The following EPHA6 variants were observed in gnomAD, a reference collection of about 807,000 sequenced individuals.
EPHA6 encodes ephrin type-A receptor 6.
Under a neutral mutation model 112.0 loss-of-function variants are expected in EPHA6, and 50 were observed. That is an observed-to-expected ratio of 0.45 (90% CI 0.36 to 0.56). The LOEUF (loss-of-function observed/expected upper bound fraction) is 0.56. EPHA6 is among the 20% of genes least tolerant of loss of function. The probability of loss-of-function intolerance (pLI) is 0.00; values close to 1 mark genes in which losing one functional copy is unlikely to be tolerated. For synonymous variants in EPHA6, 529 were observed against 490.7 expected (o/e 1.08, Z -1.03); for missense variants, 1,280 against 1,417.4 (o/e 0.90, Z 1.56).
intron 1 of EPHA6, among the ~76,000 whole-genome samples, chr3:96,841,347 G>A (rs532509009): frequency 7.2e-5 from 11 of 152,174 alleles, no homozygotes; most frequent in Admixed American, 2.6e-4. Context: ...GCAGTTTCCC[G>A]CTTGACTTCT....
intron 2 of EPHA6, among the ~76,000 whole-genome samples, chr3:96,873,006 T>C (rs1238729067): frequency 6.6e-6 from 1 of 152,018 alleles, no homozygotes; most frequent in African/African-American, 2.4e-5. Flanking sequence ...GTTGGGTTTC[T>C]GCTTCCTTAA....
In EPHA6 at chr3:97,637,995, G is replaced by T. The variant is rs1248896022; in HGVS notation, c.2697G>T (p.Leu899=). 1.9e-6 allele frequency: 3 copies of T among 1,613,726 alleles called. No homozygotes were observed. Among genetic ancestry groups the T allele is most frequent in the East Asian group, 2.2e-5 (1 of 44,876 alleles). The change falls in exon 14 of 18, where the codon CTG becomes CTT. Residue 899 remains leucine, a synonymous_variant. Coordinates refer to ENST00000389672, the MANE Select transcript of EPHA6 (RefSeq NM_001080448.3). ...VHRDLAARNI[L]VNSNLVCKVS... ...GAGACCTAGCGGCTCGGAATATACT[G>T]GTCAATAGCAACTTAGTATGCAAAG... is the stretch of plus-strand genomic sequence containing the variant.
rs1272526056 is a variant in EPHA6 at position 97,548,615 on chromosome 3, T to C, written c.2386+16072T>C. On this transcript the variant is annotated intron_variant, in intron 11 of 17. Coordinates refer to ENST00000389672, the MANE Select transcript of EPHA6 (RefSeq NM_001080448.3). ...AGAAGAGCTCTATTTCAGATTGTTC[T>C]ATACATAGAATTATGCAATATGTAG... is the stretch of plus-strand genomic sequence containing the variant. 2.0e-5 allele frequency among the ~76,000 whole-genome samples: 3 copies of C among 152,340 alleles called. No homozygotes were observed. The East Asian group carries it at 5.8e-4, about 29-fold the overall frequency.
chr3:97,156,099 A>C (rs1311606939), intron 3 of EPHA6, among the ~76,000 whole-genome samples: 1 of 152,144 alleles, frequency 6.6e-6, no homozygotes, highest in East Asian at 1.9e-4. Context: ...CATAATACAA[A>C]TGTGAAGTTA....
chr3:97,244,481 T>G lies in EPHA6; in HGVS notation c.1606+194T>G. The G allele has an allele frequency of 5.3e-6, 3 of 569,062 alleles. No individual in the cohort carries two copies. In the Admixed American group the frequency reaches 9.6e-5, roughly 18 times the overall value. The allele number at this position is 569,062 out of a possible 1,614,324, so 35.3% of individuals were successfully genotyped here. ...ATTTTTATATTACTTCTCAGCAGTATGAATAATAAGATGAAATGCTTCCCT... is the reference window on the plus strand; with the variant it reads ...ATTTTTATATTACTTCTCAGCAGTAGGAATAATAAGATGAAATGCTTCCCT... On this transcript the variant is annotated intron_variant, in intron 5 of 17. Coordinates refer to ENST00000389672, the MANE Select transcript of EPHA6 (RefSeq NM_001080448.3).
At chr3:97,003,708 C>T (rs762557907) in intron 3 of EPHA6, among the ~76,000 whole-genome samples, 10 of 151,928 alleles carry the variant, frequency 6.6e-5, no homozygotes, top group Admixed American at 2.0e-4. Context: ...GTGCAGAACA[C>T]GCAGATTTGT....
At chr3:97,074,818 T>G (rs779306103) in intron 3 of EPHA6, among the ~76,000 whole-genome samples, 2 of 151,990 alleles carry the variant, frequency 1.3e-5, no homozygotes, top group South Asian at 2.1e-4. Flanking sequence ...TTCTCTGAAC[T>G]CTGGATATCT....
intron 2 of EPHA6, among the ~76,000 whole-genome samples, chr3:96,983,161 A>T (rs1241231232): frequency 6.6e-6 from 1 of 152,148 alleles, no homozygotes; most frequent in Non-Finnish European, 1.5e-5. Context: ...TGGTCTTTAC[A>T]ATCTGGCATG....
chr3:97,744,153 G>T (rs2035619347), intron 16 of EPHA6, among the ~76,000 whole-genome samples: 1 of 151,492 alleles, frequency 6.6e-6, no homozygotes, highest in African/African-American at 2.4e-5. Flanking sequence ...CCTAATTCTA[G>T]CCCCATTCTC....
At chr3:97,595,932 G>GTC (rs1452682686) in intron 12 of EPHA6, among the ~76,000 whole-genome samples, 1 of 127,802 alleles carries the variant, frequency 7.8e-6, no homozygotes, top group Non-Finnish European at 1.6e-5. Context: ...TTGAGACGGA[G>GTC]TCTCTCTCTG....
At chr3:97,125,198 T>A (rs1428617238) in intron 3 of EPHA6, among the ~76,000 whole-genome samples, 1 of 152,186 alleles carries the variant, frequency 6.6e-6, no homozygotes, top group Non-Finnish European at 1.5e-5. Context: ...ACCATTATTT[T>A]CCTCTTTGAA....
chr3:96,905,706 A>C (rs2107587171), intron 2 of EPHA6, among the ~76,000 whole-genome samples: 1 of 151,404 alleles, frequency 6.6e-6, no homozygotes, highest in Non-Finnish European at 1.5e-5. Flanking sequence ...TATTCTCATT[A>C]GGTTTTTTTT....
At chr3:97,311,503 G>GT (rs1460228946) in intron 5 of EPHA6, among the ~76,000 whole-genome samples, 1 of 150,702 alleles carries the variant, frequency 6.6e-6, no homozygotes, top group East Asian at 2.0e-4. Flanking sequence ...ATTTTGATTT[G>GT]TTTTTTGTAT....
chr3:97,021,009 T>G (rs1036786652), intron 3 of EPHA6, among the ~76,000 whole-genome samples: 14 of 152,302 alleles, frequency 9.2e-5, no homozygotes, highest in Non-Finnish European at 1.8e-4. Context: ...ATAAAAAACC[T>G]TCAGCATAGA....
At chr3:97,414,938 T>C (rs2088010048) in intron 6 of EPHA6, among the ~76,000 whole-genome samples, 1 of 152,048 alleles carries the variant, frequency 6.6e-6, no homozygotes, top group Admixed American at 6.6e-5. Context: ...AGAGGACTTC[T>C]AAGCTTTTGT....
At chr3:97,465,347 A>T (rs111867333) in intron 7 of EPHA6, among the ~76,000 whole-genome samples, 1 of 152,092 alleles carries the variant, frequency 6.6e-6, no homozygotes, top group Admixed American at 6.6e-5. Context: ...ATACTGTGCC[A>T]AAAACCTTCT....
chr3:97,545,333 C>T (rs1244026977), intron 11 of EPHA6, among the ~76,000 whole-genome samples: 1 of 152,160 alleles, frequency 6.6e-6, no homozygotes, highest in African/African-American at 2.4e-5. Context: ...CCCAGTAGGT[C>T]ATTCAGGAGC....
chr3:97,201,983 C>G (rs144790724), intron 3 of EPHA6, among the ~76,000 whole-genome samples: 1 of 152,046 alleles, frequency 6.6e-6, no homozygotes, highest in Non-Finnish European at 1.5e-5. Flanking sequence ...CTAATGGGCA[C>G]ATACATAACC....
chr3:97,149,840 A>G (rs1233786032), intron 3 of EPHA6, among the ~76,000 whole-genome samples: 1 of 147,778 alleles, frequency 6.8e-6, no homozygotes, highest in African/African-American at 2.6e-5. Context: ...ATGTATTATA[A>G]TGTATTATAA....
Sources: allele counts gnomAD v4.1 joint callset (sites outside exome capture counted in the v4.1 genomes callset), GRCh38; gene constraint gnomAD v4.1.1; transcripts MANE v1.5; gene names NCBI Gene and HGNC (gene_info 2026-07-23, HGNC 2026-07-21).